DVL2: variants seen among roughly 807,000 people sequenced by gnomAD.
The protein encoded by DVL2 is segment polarity protein dishevelled homolog DVL-2.
Under a neutral mutation model 69.8 loss-of-function variants are expected in DVL2, and 38 were observed. The ratio of observed to expected loss-of-function variants is 0.54; its 90% confidence interval spans 0.42 to 0.71. DVL2 has a LOEUF of 0.71. DVL2 is among the 30% of genes least tolerant of loss of function. DVL2 has a pLI of 0.00. For synonymous variants in DVL2, 428 were observed against 392.4 expected, an observed-to-expected ratio of 1.09 and a Z score of -1.07; for missense variants, 931 against 1,008.1, an observed-to-expected ratio of 0.92 and a Z score of 1.04.
chr17:7,226,612 T>C lies in DVL2; in HGVS notation c.1571A>G (p.Asn524Ser), dbSNP rs1356396096. Residue 524 changes from asparagine to serine, a missense_variant, in exon 14 of 15, where the codon AAC (asparagine) becomes AGC (serine). By Grantham distance (46) the Asn-to-Ser change is conservative. Around this residue, in one of 3 missense-constraint regions of DVL2, gnomAD observed 314 missense variants for 313.7 expected, o/e 1.00. Transcript: ENST00000005340. ...GTCTGAAGCCCCACTGGAGCCATCG[T>C]TGTCATTGAGAGACAGGTTGACTAG... ...SYLVNLSLND[N>S]DGSSGASDQD... 1.9e-6 allele frequency: 3 copies of C among 1,580,024 alleles called. No individual in the cohort carries two copies. The highest frequency in any genetic ancestry group is 1.2e-5 in the South Asian group (1 of 86,942).
chr17:7,230,236 GTTCCCTCCTC>G (rs2071521913), intron 3 of DVL2, 39 bp downstream of exon 3: 1 of 1,612,508 alleles, frequency 6.2e-7, no homozygotes, highest in African/African-American at 1.3e-5. Context: ...AAAGGCCTGG[GTTCCCTCCTC>G]ACCTCCCTCC....
At position 7,227,513 on chromosome 17, in the gene DVL2, G is replaced by A. The variant is rs554157588; in HGVS notation, c.1254C>T (p.Ser418=). Residue 418 remains serine (S), a synonymous_variant, in exon 12 of 15, where the codon TCC becomes TCT. Transcript: ENST00000005340. ...TCACCGATGCCATGTCCGTATGGAC[G>A]GAGAGACCCCGGCCTTCACAGCCTG... The part of the protein sequence containing the change: ...LPDGCEGRGL[S]VHTDMASVTK... 35 of 1,614,080 alleles carry A rather than the reference G, an allele frequency of 2.2e-5. No individual in the cohort carries two copies. The highest frequency in any genetic ancestry group is 1.3e-4 in the East Asian group (6 of 44,880).
Position 7,225,507 on chromosome 17 carries a change from C to A in DVL2, c.*358G>T. 2.4e-6 allele frequency: 1 copy of A among 418,064 alleles called. No homozygotes were observed. Among genetic ancestry groups the A allele is most frequent in the Non-Finnish European group, 4.4e-6 (1 of 229,032 alleles). The allele number at this position is 418,064 out of a possible 1,614,324, so 25.9% of individuals were successfully genotyped here. Reference sequence around the variant, plus strand: ...ACCCCCAACCCTGCAAAGGGCAGGGCTGTGGGTAACTGGAGGAGGAGGTCA... The same window carrying A: ...ACCCCCAACCCTGCAAAGGGCAGGGATGTGGGTAACTGGAGGAGGAGGTCA... On this transcript the variant is annotated 3_prime_UTR_variant, in exon 15 of 15. Coordinates refer to ENST00000005340, the MANE Select transcript of DVL2 (RefSeq NM_004422.3).
chr17:7,230,129 T>A lies in DVL2; in HGVS notation c.437A>T (p.Asn146Ile), dbSNP rs769938313. 2 of 1,614,162 alleles carry A rather than the reference T, an allele frequency of 1.2e-6. No individual in the cohort carries two copies. The highest frequency in any genetic ancestry group is 2.2e-5 in the South Asian group (2 of 91,076). Reference sequence around the variant, plus strand: ...CTCGGTTTCTGTCTCAGGCTCCAGATTCTCATGGCTGCTGGACACATTAGG... The same window carrying A: ...CTCGGTTTCTGTCTCAGGCTCCAGAATCTCATGGCTGCTGGACACATTAGG... ...FHPNVSSSHE[N>I]LEPETETESV... Residue 146 changes from asparagine to isoleucine, a missense_variant, in exon 4 of 15, where the codon AAT (asparagine) becomes ATT (isoleucine). Physicochemically the swap from Asn to Ile is moderately radical, Grantham distance 149. Coordinates refer to ENST00000005340, the MANE Select transcript of DVL2 (RefSeq NM_004422.3).
Position 7,228,540 on chromosome 17 carries a change from T to C in DVL2, c.1034+429A>G, listed in dbSNP as rs1179555174. 2.1e-5 allele frequency: 4 copies of C among 189,220 alleles called. No homozygotes were observed. The East Asian group carries it at 4.2e-4, about 20-fold the overall frequency. 11.7% of individuals were successfully genotyped at this position (189,220 alleles called of 1,614,324 possible). Reference sequence around the variant, plus strand: ...ATATTTACTCTAGTATTATTTGCTATGTCATGCATTTGTTTCATGTACTTT... The same window carrying C: ...ATATTTACTCTAGTATTATTTGCTACGTCATGCATTTGTTTCATGTACTTT... On this transcript the variant is annotated intron_variant, in intron 9 of 14. Coordinates refer to ENST00000005340, the MANE Select transcript of DVL2 (RefSeq NM_004422.3).
chr17:7,234,252 C>A lies in DVL2; in HGVS notation c.11G>T (p.Ser4Ile). 6.2e-7 allele frequency: 1 copy of A among 1,612,150 alleles called. No individual in the cohort carries two copies. The highest frequency in any genetic ancestry group is 2.2e-5 in the East Asian group (1 of 44,850). Residue 4 changes from serine (S) to isoleucine (I), a missense_variant, in exon 1 of 15, where the codon AGC becomes ATC. Transcript: ENST00000005340. ...CCCAACCCCACCGCCCCCAGTGCTG[C>A]TACCCGCCATGGTCTCGCCCGCGCG... Reference protein sequence around the residue: MAGSSTGGGGVGET... With the variant: MAGISTGGGGVGET...
intron 1 of DVL2, 105 bp downstream of exon 1, chr17:7,233,964 A>G: frequency 8.0e-7 from 1 of 1,242,544 alleles, no homozygotes; most frequent in Non-Finnish European, 1.2e-6. Flanking sequence ...GCTCCACCAT[A>G]GGCCAGAAAA....
rs114650601 is a variant in DVL2, at chr17:7,232,608, A to T, written c.194+1461T>A. Among the ~76,000 whole-genome samples the T allele has an allele frequency of 8.7e-3, 1,326 of 152,360 alleles. 23 individuals carry two copies. Among genetic ancestry groups the T allele is most frequent in the African/African-American group, 0.03 (1,252 of 41,574 alleles). ...TCTCCATGTCACAGATGAGATCAAG[A>T]CACAAAATTTAAATAAATTGTCCAA... On this transcript the variant is annotated intron_variant, in intron 1 of 14. Coordinates refer to ENST00000005340, the MANE Select transcript of DVL2 (RefSeq NM_004422.3).
chr17:7,231,441 C>T (rs1208065503), intron 1 of DVL2, among the ~76,000 whole-genome samples: 2 of 93,788 alleles, frequency 2.1e-5, no homozygotes, highest in African/African-American at 9.4e-5. Flanking sequence ...CCAGCCTGGG[C>T]GGCTCAAAAA....
rs2071449829 is a variant in DVL2, at chr17:7,226,440, G to A, written c.1743C>T (p.Ala581=). The A allele has an allele frequency of 6.5e-7, 1 of 1,537,186 alleles. No homozygotes were observed. Among genetic ancestry groups the A allele is most frequent in the South Asian group, 1.3e-5 (1 of 79,106 alleles). ...LSSYTYGGGS[A]SSQHSEGSRS... is the part of the protein sequence containing the mutation. ...ACTTACCCTCACTATGCTGGCTGCT[G>A]GCACTGCCCCCACCATAGGTGTAAG... is the stretch of plus-strand genomic sequence containing the variant. Residue 581 remains alanine, a synonymous_variant, in exon 14 of 15, where the codon GCC becomes GCT. Coordinates refer to ENST00000005340, the MANE Select transcript of DVL2 (RefSeq NM_004422.3).
intron 1 of DVL2, among the ~76,000 whole-genome samples, chr17:7,233,446 TTTTTG>T (rs1391516342): frequency 6.6e-6 from 1 of 151,632 alleles, no homozygotes; most frequent in Non-Finnish European, 1.5e-5. Flanking sequence ...GCCCAAGTGT[TTTTTG>T]TTTTTTTTCT....
chr17:7,230,989 T>C (rs1766677025), intron 1 of DVL2, among the ~76,000 whole-genome samples, 192 bp from the exon 2 acceptor site: 1 of 152,148 alleles, frequency 6.6e-6, no homozygotes, highest in Non-Finnish European at 1.5e-5. Flanking sequence ...CTTTCCTTAT[T>C]TCTCCTCTCC....
In DVL2 at chr17:7,226,280, C is replaced by T; in HGVS notation, c.1796G>A (p.Gly599Glu). Residue 599 changes from glycine to glutamate, a missense_variant, in exon 15 of 15, where the codon GGG (glycine) becomes GAG (glutamate). Around this residue, in one of 3 missense-constraint regions of DVL2, gnomAD observed 314 missense variants for 313.7 expected, o/e 1.00. Transcript: ENST00000005340. Reference protein sequence around the residue: ...SRSSGSTRSDGGAGRTGRPEE... With the variant: ...SRSSGSTRSDEGAGRTGRPEE... ...GGGCCTCCCCGTGCGCCCTGCCCCC[C>T]CATCACTCCGTGTCGACCCACTGCT... 1.3e-6 allele frequency: 2 copies of T among 1,592,896 alleles called. No homozygotes were observed. The highest frequency in any genetic ancestry group is 1.7e-6 in the Non-Finnish European group (2 of 1,171,438).
rs370718368 is a variant in DVL2, at chr17:7,229,258, C to T, written c.834G>A (p.Leu278=). 313 of 1,614,168 alleles carry T rather than the reference C, an allele frequency of 1.9e-4. No individual in the cohort carries two copies. Among genetic ancestry groups the T allele is most frequent in the Non-Finnish European group, 2.4e-4 (288 of 1,180,014 alleles). Residue 278 remains leucine, a synonymous_variant, in exon 8 of 15, where the codon CTG becomes CTA. Transcript: ENST00000005340. This position sits in a 1 kb window ranked among gnomAD's most constrained non-coding sequence, Gnocchi z 4.4. The stretch of plus-strand genomic sequence containing the variant: ...TGCTCTGGCCAACAATGGAGATACC[C>T]AGGAAGTTGTACTTCTCTGTGGAGA... ...VTLNMEKYNF[L]GISIVGQSNE... is the part of the protein sequence containing the mutation.
chr17:7,227,381 AC>A (rs1318469343), intron 12 of DVL2, 22 bp downstream of exon 12: 1 of 1,609,114 alleles, frequency 6.2e-7, no homozygotes, highest in Non-Finnish European at 8.5e-7. Flanking sequence ...TTCTCCAGCC[AC>A]CTGCCCAGGA....
chr17:7,234,238 C>T lies in DVL2; in HGVS notation c.25G>A (p.Gly9Ser), dbSNP rs777685857. 4 of 1,613,324 alleles carry T rather than the reference C, an allele frequency of 2.5e-6. No homozygotes were observed. Among genetic ancestry groups the T allele is most frequent in the Admixed American group, 1.7e-5 (1 of 59,964 alleles). ...ATCACCTTCGTCTCCCCAACCCCAC[C>T]GCCCCCAGTGCTGCTACCCGCCATG... Reference protein sequence around the residue: MAGSSTGGGGVGETKVIYH... With the variant: MAGSSTGGSGVGETKVIYH... Residue 9 changes from glycine (G) to serine (S), a missense_variant, in exon 1 of 15, where the codon GGT becomes AGT. Coordinates refer to ENST00000005340, the MANE Select transcript of DVL2 (RefSeq NM_004422.3).
chr17:7,229,488 A>T lies in DVL2; in HGVS notation c.748-41T>A, dbSNP rs372871752. On this transcript the variant is annotated intron_variant, in intron 6 of 14. Coordinates refer to ENST00000005340, the MANE Select transcript of DVL2 (RefSeq NM_004422.3). The surrounding 1 kb of genome is among the most constrained non-coding windows in gnomAD (Gnocchi z 4.4). Reference sequence around the variant, plus strand: ...GAGCCAGAGTGCCCTTCAATAACCCAGGGTCAACCCTGGGGTGCTGCCGGT... The same window carrying T: ...GAGCCAGAGTGCCCTTCAATAACCCTGGGTCAACCCTGGGGTGCTGCCGGT... 5.0e-6 allele frequency: 8 copies of T among 1,613,612 alleles called. No homozygotes were observed. Among genetic ancestry groups the T allele is most frequent in the African/African-American group, 1.3e-5 (1 of 74,928 alleles).
chr17:7,228,080 G>A, intron 9 of DVL2, 36 bp from the exon 10 acceptor site: 1 of 1,506,306 alleles, frequency 6.6e-7, no homozygotes, highest in Non-Finnish European at 8.9e-7. Flanking sequence ...GGGCGCAGGG[G>A]AAGAGGAGGC....
intron 13 of DVL2, 120 bp from the exon 14 acceptor site, chr17:7,226,759 A>G (rs558616988): frequency 3.8e-6 from 3 of 798,754 alleles, no homozygotes; most frequent in East Asian, 2.8e-5. Context: ...GGCTCAAAAC[A>G]GGGGTTCACA....
Sources: allele counts gnomAD v4.1 joint callset (sites outside exome capture counted in the v4.1 genomes callset), GRCh38; gene constraint gnomAD v4.1.1; regional missense constraint gnomAD v4.1.1; non-coding constraint Gnocchi (gnomAD v3.1); transcripts MANE v1.5; gene names NCBI Gene and HGNC (gene_info 2026-07-23, HGNC 2026-07-21).